Variants in POU2F3 observed in about 807,000 individuals in gnomAD.
POU2F3 encodes POU domain, class 2, transcription factor 3.
In POU2F3, 23 loss-of-function variants were observed where a neutral mutation model predicts 59.2. The observed-to-expected ratio is 0.39, with a 90% CI of 0.28 to 0.55. The LOEUF is 0.55. Ranked by LOEUF, POU2F3 falls within the 20% of genes least tolerant of loss-of-function variation. The pLI, the probability that POU2F3 is intolerant of heterozygous loss-of-function variation, is 0.66. For synonymous variants in POU2F3, 190 were observed against 214.6 expected, an observed-to-expected ratio of 0.89 and a Z score of 1.00; for missense variants, 473 against 544.5, an observed-to-expected ratio of 0.87 and a Z score of 1.31.
chr11:120,276,728 C>A (rs921405950), intron 3 of POU2F3, among the ~76,000 whole-genome samples: 1 of 152,174 alleles, frequency 6.6e-6, no homozygotes, highest in Non-Finnish European at 1.5e-5. Context: ...AATGCAGGAG[C>A]CTGACAGATA....
At chr11:120,281,678 C>T (rs767144829) in intron 3 of POU2F3, among the ~76,000 whole-genome samples, 11 of 152,134 alleles carry the variant, frequency 7.2e-5, no homozygotes, top group Non-Finnish European at 1.3e-4. Context: ...TATTTCCTCC[C>T]GTATACTTCA....
In POU2F3 at chr11:120,309,420, T is replaced by C; in HGVS notation, c.907-5T>C. On this transcript the variant is annotated splice_polypyrimidine_tract_variant and splice_region_variant and intron_variant, in intron 9 of 12. Coordinates refer to ENST00000543440, the MANE Select transcript of POU2F3 (RefSeq NM_014352.4). ...GGCCATACTCTGTCCTTTCGGTGCC[T>C]ATAGAACCCAAAACCCAGCTCGGAG... 1 of 1,611,744 alleles carries C rather than the reference T, an allele frequency of 6.2e-7. No homozygotes were observed. The highest frequency in any genetic ancestry group is 8.5e-7 in the Non-Finnish European group (1 of 1,177,846).
At chr11:120,267,963 G>A (rs978687063) in intron 2 of POU2F3, among the ~76,000 whole-genome samples, 11 of 151,994 alleles carry the variant, frequency 7.2e-5, no homozygotes, top group Non-Finnish European at 1.2e-4. Flanking sequence ...GGAGAGCTAT[G>A]TGAATAGGAA....
chr11:120,271,529 T>C (rs966463468), intron 3 of POU2F3, among the ~76,000 whole-genome samples: 15 of 152,158 alleles, frequency 9.9e-5, no homozygotes, highest in Non-Finnish European at 2.1e-4. Flanking sequence ...CCCCAGCCCC[T>C]TGGGACAAGA....
In POU2F3 at chr11:120,269,190, T is replaced by A. The variant is rs375854069; in HGVS notation, c.98-20T>A. 6.4e-7 allele frequency: 1 copy of A among 1,560,580 alleles called. No individual in the cohort carries two copies. Among genetic ancestry groups the A allele is most frequent in the Admixed American group, 1.7e-5 (1 of 59,766 alleles). On this transcript the variant is annotated intron_variant, in intron 2 of 12. Coordinates refer to ENST00000543440, the MANE Select transcript of POU2F3 (RefSeq NM_014352.4). ...CAAACCTGCTACCAACTAATATACATATATTTTTATCTTTTCTAGGAAATG... is the reference window on the plus strand; with the variant it reads ...CAAACCTGCTACCAACTAATATACAAATATTTTTATCTTTTCTAGGAAATG...
chr11:120,254,766 T>A (rs550622181), intron 2 of POU2F3: 1 of 152,252 alleles, frequency 6.6e-6, no homozygotes, highest in South Asian at 2.1e-4. Flanking sequence ...AGAGCCCTCA[T>A]AAGTGGCTGG....
At chr11:120,273,708 G>C (rs1238309341) in intron 3 of POU2F3, among the ~76,000 whole-genome samples, 1 of 152,180 alleles carries the variant, frequency 6.6e-6, no homozygotes, top group Non-Finnish European at 1.5e-5. Context: ...GAAGGATACA[G>C]ACAGAGCATG....
chr11:120,245,947 G>A (rs1938851118), intron 1 of POU2F3, among the ~76,000 whole-genome samples: 1 of 152,194 alleles, frequency 6.6e-6, no homozygotes, highest in African/African-American at 2.4e-5. Flanking sequence ...CAGGACCTGG[G>A]AAGAAAGGTG....
In POU2F3 at chr11:120,299,717, G is replaced by A. The variant is rs770103896; in HGVS notation, c.352G>A (p.Gly118Arg). ...GTTCCTGCTATCTCAGACCCAGCCTGGGCAGCAAGGTAAGAACCCTGGGGG... is the reference window on the plus strand; with the variant it reads ...GTTCCTGCTATCTCAGACCCAGCCTAGGCAGCAAGGTAAGAACCCTGGGGG... ...SQFLLSQTQP[G>R]QQGLQPNLLP... Residue 118 changes from glycine to arginine, a missense_variant, in exon 5 of 13, where the codon GGG (glycine) becomes AGG (arginine). Coordinates refer to ENST00000543440, the MANE Select transcript of POU2F3 (RefSeq NM_014352.4). 5 of 1,612,078 alleles carry A rather than the reference G, an allele frequency of 3.1e-6. No homozygotes were observed. The Admixed American group carries it at 6.7e-5, about 22-fold the overall frequency.
intron 1 of POU2F3, among the ~76,000 whole-genome samples, chr11:120,244,097 G>T (rs969549563): frequency 6.6e-6 from 1 of 151,830 alleles, no homozygotes; most frequent in African/African-American, 2.4e-5. Context: ...AGTTTGAAAT[G>T]AGTTGATTCA....
intron 2 of POU2F3, among the ~76,000 whole-genome samples, chr11:120,268,481 C>T (rs1322556706): frequency 6.6e-6 from 1 of 152,148 alleles, no homozygotes; most frequent in Non-Finnish European, 1.5e-5. Context: ...GCTGGGACTA[C>T]AGGCATGTGC....
chr11:120,250,610 T>C (rs1052476084), intron 2 of POU2F3, among the ~76,000 whole-genome samples: 4 of 152,164 alleles, frequency 2.6e-5, no homozygotes, highest in Non-Finnish European at 5.9e-5. Flanking sequence ...GTCTTTCTAG[T>C]GACTTTCTAC....
intron 2 of POU2F3, among the ~76,000 whole-genome samples, chr11:120,248,892 T>C (rs571438089): frequency 6.6e-6 from 1 of 152,348 alleles, no homozygotes; most frequent in South Asian, 2.1e-4. Flanking sequence ...CAGATTCACC[T>C]TCTCAGCAGT....
chr11:120,239,951 G>A (rs914558533), upstream of POU2F3, among the ~76,000 whole-genome samples: 1 of 152,262 alleles, frequency 6.6e-6, no homozygotes, highest in African/African-American at 2.4e-5. Flanking sequence ...GGTGCTGCCA[G>A]GCTGGGTTGG....
intron 3 of POU2F3, among the ~76,000 whole-genome samples, chr11:120,295,101 G>C (rs1221518313): frequency 6.6e-6 from 1 of 152,144 alleles, no homozygotes; most frequent in Non-Finnish European, 1.5e-5. Flanking sequence ...GGTTGGGAGT[G>C]CCCCCCAAAG....
Position 120,315,447 on chromosome 11 carries a change from T to C in POU2F3, c.1135+20T>C. On this transcript the variant is annotated intron_variant, in intron 11 of 12. Transcript: ENST00000543440. Reference sequence around the variant, plus strand: ...GAACAGGTGAGCTTTAAAATGAGATTTCTGAAGAACACCAGAATTCTTTTA... The same window carrying C: ...GAACAGGTGAGCTTTAAAATGAGATCTCTGAAGAACACCAGAATTCTTTTA... The C allele has an allele frequency of 6.3e-7, 1 of 1,599,864 alleles. No individual in the cohort carries two copies. Among genetic ancestry groups the C allele is most frequent in the Non-Finnish European group, 8.6e-7 (1 of 1,167,174 alleles).
intron 3 of POU2F3, among the ~76,000 whole-genome samples, chr11:120,272,097 G>T (rs906245116): frequency 6.6e-6 from 1 of 152,102 alleles, no homozygotes; most frequent in Non-Finnish European, 1.5e-5. Context: ...CTTGCTAACC[G>T]CCAGGCTCGG....
chr11:120,241,013 C>T (rs1447785868), intron 1 of POU2F3, among the ~76,000 whole-genome samples: 2 of 152,132 alleles, frequency 1.3e-5, no homozygotes, highest in East Asian at 3.9e-4. Context: ...AGTCAGGCTT[C>T]CCTGAATGAA....
At chr11:120,315,935 C>T (rs138303135) in intron 11 of POU2F3, among the ~76,000 whole-genome samples, 3 of 147,774 alleles carry the variant, frequency 2.0e-5, no homozygotes, top group East Asian at 2.0e-4. Flanking sequence ...TGCAATGGCA[C>T]GATCTCAGCT....
Sources: gnomAD v4.1 joint callset for allele counts (sites outside exome capture counted in the v4.1 genomes callset) on GRCh38, gnomAD v4.1.1 for gene constraint, MANE v1.5 for transcripts, NCBI Gene and HGNC (gene_info 2026-07-23, HGNC 2026-07-21) for gene names.